ASAP2: variants seen among roughly 807,000 people sequenced by gnomAD.
The protein encoded by ASAP2 is ArfGAP with SH3 domain, ankyrin repeat and PH domain 2.
Under a neutral mutation model 131.4 loss-of-function variants are expected in ASAP2, and 45 were observed. The observed-to-expected ratio is 0.34, with a 90% CI of 0.27 to 0.44. The LOEUF is 0.44. Ranked by LOEUF, ASAP2 falls within the 20% of genes least tolerant of loss-of-function variation. The pLI, the probability that ASAP2 is intolerant of heterozygous loss-of-function variation, is 1.00. For synonymous variants in ASAP2, 510 were observed against 503.0 expected, an observed-to-expected ratio of 1.01 and a Z score of -0.19; for missense variants, 1,011 against 1,297.0, an observed-to-expected ratio of 0.78 and a Z score of 3.39.
At chr2:9,334,834 T>G in intron 8 of ASAP2, 21 bp downstream of exon 8, 1 of 1,603,848 alleles carries the variant, frequency 6.2e-7, no homozygotes, top group Non-Finnish European at 8.5e-7. Context: ...TCCCTCCCAC[T>G]GTGGTTTAAA....
chr2:9,324,976 C>T (rs538381915), intron 6 of ASAP2, among the ~76,000 whole-genome samples: 2 of 152,092 alleles, frequency 1.3e-5, no homozygotes, highest in South Asian at 4.2e-4. Context: ...ATGTCTGTCT[C>T]GTGTCTTTTG....
chr2:9,289,971 G>C (rs1020952253), intron 2 of ASAP2, among the ~76,000 whole-genome samples: 1 of 138,508 alleles, frequency 7.2e-6, no homozygotes, highest in African/African-American at 2.7e-5. Flanking sequence ...GAAGGCGGAG[G>C]AAGTGGCAGG....
intron 1 of ASAP2, among the ~76,000 whole-genome samples, chr2:9,239,152 C>G (rs117640178): frequency 1.3e-5 from 2 of 152,136 alleles, no homozygotes; most frequent in Admixed American, 1.3e-4. Context: ...ATGCTTTTTC[C>G]GCACTGACTG....
intron 27 of ASAP2, among the ~76,000 whole-genome samples, chr2:9,401,789 G>A (rs1676703572): frequency 6.6e-6 from 1 of 152,230 alleles, no homozygotes; most frequent in African/African-American, 2.4e-5. Flanking sequence ...AACAAGCTGT[G>A]GCCGCCCAGG....
intron 16 of ASAP2, among the ~76,000 whole-genome samples, chr2:9,371,951 G>A (rs1025633854): frequency 6.6e-6 from 1 of 152,144 alleles, no homozygotes; most frequent in African/African-American, 2.4e-5. Context: ...CCCATCTGAG[G>A]GATCACATTA....
chr2:9,373,237 TCAC>T (rs1674123723), intron 16 of ASAP2, among the ~76,000 whole-genome samples: 1 of 151,552 alleles, frequency 6.6e-6, no homozygotes, highest in African/African-American at 2.4e-5. Flanking sequence ...GAGCACAAGT[TCAC>T]CAGGTGCCCC....
At chr2:9,280,248 T>A (rs1667045521) in intron 2 of ASAP2, among the ~76,000 whole-genome samples, 1 of 152,122 alleles carries the variant, frequency 6.6e-6, no homozygotes, top group Non-Finnish European at 1.5e-5. Context: ...GGTGTCTTTC[T>A]TTAGTGAAAG....
At chr2:9,209,542 G>A (rs1359895459) in intron 1 of ASAP2, among the ~76,000 whole-genome samples, 2 of 152,192 alleles carry the variant, frequency 1.3e-5, no homozygotes, top group East Asian at 3.8e-4. Flanking sequence ...TTAAACAAAT[G>A]AATCACGGAA....
intron 12 of ASAP2, among the ~76,000 whole-genome samples, chr2:9,352,212 A>AACACACACACACACAC (rs58275721): frequency 1.0e-4 from 15 of 150,082 alleles, no homozygotes; most frequent in African/African-American, 3.2e-4. Context: ...AACACACACA[A>AACACACACACACACAC]ACACACACAC....
chr2:9,318,250 G>A (rs901427448), intron 3 of ASAP2, among the ~76,000 whole-genome samples: 1 of 152,138 alleles, frequency 6.6e-6, no homozygotes, highest in African/African-American at 2.4e-5. Context: ...TTTCTTCACT[G>A]CAATGATTGT....
At chr2:9,360,710 G>A (rs1364620851) in intron 15 of ASAP2, among the ~76,000 whole-genome samples, 2 of 152,204 alleles carry the variant, frequency 1.3e-5, no homozygotes, top group African/African-American at 4.8e-5. Context: ...CACAGTGGAT[G>A]TAAATAACTT....
chr2:9,242,846 A>T (rs145710262), intron 1 of ASAP2, among the ~76,000 whole-genome samples: 1 of 152,150 alleles, frequency 6.6e-6, no homozygotes, highest in Admixed American at 6.5e-5. Flanking sequence ...AGGTGAGACT[A>T]TTACACGTGT....
chr2:9,276,245 A>C lies in ASAP2; in HGVS notation c.127-3072A>C, dbSNP rs188764102. 3.7e-3 allele frequency among the ~76,000 whole-genome samples: 568 copies of C among 152,270 alleles called. 4 individuals carry two copies. The highest frequency in any genetic ancestry group is 5.0e-3 in the Non-Finnish European group (338 of 68,032). ...GGAAAAGCTGAGATGAGTACCTGCC[A>C]CCCTATCGTGGAGGTGGCAAGGCAT... On this transcript the variant is annotated intron_variant, in intron 1 of 27. Coordinates refer to ENST00000281419, the MANE Select transcript of ASAP2 (RefSeq NM_003887.3).
chr2:9,278,389 T>G (rs1666892992), intron 1 of ASAP2, among the ~76,000 whole-genome samples: 1 of 152,002 alleles, frequency 6.6e-6, no homozygotes, highest in Non-Finnish European at 1.5e-5. Flanking sequence ...GGCATACCCC[T>G]GTAATCCCAG....
intron 26 of ASAP2, 108 bp from the exon 27 acceptor site, chr2:9,401,166 G>A: frequency 7.0e-7 from 1 of 1,428,382 alleles, no homozygotes; most frequent in Non-Finnish European, 9.6e-7. Flanking sequence ...GGCTTCTCAG[G>A]CCTAGGTACG....
intron 7 of ASAP2, among the ~76,000 whole-genome samples, chr2:9,333,945 G>A (rs1277434935): frequency 1.3e-5 from 2 of 151,418 alleles, no homozygotes; most frequent in Admixed American, 6.6e-5. Context: ...CTCTACCCAC[G>A]GTTTCCTACC....
intron 3 of ASAP2, among the ~76,000 whole-genome samples, chr2:9,304,883 T>C (rs1178046344): frequency 7.1e-6 from 1 of 140,210 alleles, no homozygotes; most frequent in African/African-American, 2.7e-5. Flanking sequence ...TAGATATTGG[T>C]GGACAGGCTG....
rs1335552268 is a variant in ASAP2, at chr2:9,376,963, T to C, written c.1802T>C (p.Leu601Pro). The C allele has an allele frequency of 1.2e-6, 2 of 1,614,052 alleles. No individual in the cohort carries two copies. Among genetic ancestry groups the C allele is most frequent in the Non-Finnish European group, 1.7e-6 (2 of 1,180,026 alleles). The change falls in exon 18 of 28, where the codon CTT (leucine) becomes CCT (proline). Residue 601 changes from leucine (L) to proline (P), a missense_variant. Physicochemically the swap from Leu to Pro is moderately conservative, Grantham distance 98. This residue lies in a region of ASAP2 where 652 missense variants were observed against 698.9 expected (regional missense o/e 0.93). Transcript: ENST00000281419. The stretch of plus-strand genomic sequence containing the variant: ...GTCAGATCCGTGGATCGAACCTCTC[T>C]TCACATTGTAGACTTTTTAGTTCAG... ...LAVRSVDRTS[L>P]HIVDFLVQNS...
intron 7 of ASAP2, among the ~76,000 whole-genome samples, chr2:9,329,417 A>G (rs1374901113): frequency 6.6e-6 from 1 of 152,218 alleles, no homozygotes; most frequent in Non-Finnish European, 1.5e-5. Flanking sequence ...TCTTGCCTTC[A>G]CGGACCCTGG....
Sources: gnomAD v4.1 joint callset for allele counts (sites outside exome capture counted in the v4.1 genomes callset) on GRCh38, gnomAD v4.1.1 for gene constraint, gnomAD v4.1.1 regional missense constraint, MANE v1.5 for transcripts, NCBI Gene and HGNC (gene_info 2026-07-23, HGNC 2026-07-21) for gene names.